MACROD2: variants seen among roughly 807,000 people sequenced by gnomAD.
MACROD2 encodes mono-ADP ribosylhydrolase 2.
Under a neutral mutation model 70.4 loss-of-function variants are expected in MACROD2, and 36 were observed. The observed-to-expected ratio is 0.51, with a 90% confidence interval of 0.39 to 0.68. MACROD2 has a LOEUF of 0.68. Among genes scored for constraint, MACROD2 ranks in the 30% least tolerant of loss-of-function variants. The probability of loss-of-function intolerance (pLI) is 0.00; values close to 1 mark genes in which losing one functional copy is unlikely to be tolerated. For synonymous variants in MACROD2, 172 were observed against 178.8 expected, an observed-to-expected ratio of 0.96 and a Z score of 0.30; for missense variants, 496 against 538.4, an observed-to-expected ratio of 0.92 and a Z score of 0.78.
chr20:14,653,521 A>AT lies in MACROD2; in HGVS notation c.302-31306dup, dbSNP rs34531975. ...GCGTGAGCCACCAAGCCCGGCTGCA[A>AT]TTTTTTTTTTTTTTTTAAGAGATGA... On this transcript the variant is annotated intron_variant, in intron 4 of 17. Coordinates refer to ENST00000684519, the MANE Select transcript of MACROD2 (RefSeq NM_001351661.2). Among the ~76,000 whole-genome samples, 1,152 of 137,412 alleles carry AT rather than the reference A, an allele frequency of 8.4e-3. 6 individuals are homozygous for AT. Among genetic ancestry groups the AT allele is most frequent in the East Asian group, 0.038 (173 of 4,582 alleles). 90.1% of individuals were successfully genotyped at this position (137,412 alleles called of 152,430 possible). A position where few individuals can be genotyped will look rare whatever the true frequency, so the allele number is the denominator to read the frequency against.
chr20:14,522,645 C>T (rs751322267), intron 4 of MACROD2, among the ~76,000 whole-genome samples: 10 of 152,160 alleles, frequency 6.6e-5, no homozygotes, highest in Non-Finnish European at 1.3e-4. Flanking sequence ...TAAAACTCTC[C>T]GGTTCTTGTC....
intron 5 of MACROD2, among the ~76,000 whole-genome samples, chr20:15,138,519 A>G (rs2076167886): frequency 6.6e-6 from 1 of 152,266 alleles, no homozygotes. Context: ...AGGCTCCTTA[A>G]TCTTTACAGA....
intron 8 of MACROD2, among the ~76,000 whole-genome samples, chr20:15,802,219 A>G (rs923000309): frequency 1.3e-5 from 2 of 152,148 alleles, no homozygotes; most frequent in African/African-American, 4.8e-5. Flanking sequence ...TGCTCTGGCT[A>G]GAAATTCCAA....
At chr20:15,349,063 C>A (rs1015719009) in intron 6 of MACROD2, among the ~76,000 whole-genome samples, 2 of 152,088 alleles carry the variant, frequency 1.3e-5, no homozygotes, top group Admixed American at 1.3e-4. Flanking sequence ...AGGACAGAAG[C>A]ATTAGGCTCT....
intron 6 of MACROD2, among the ~76,000 whole-genome samples, chr20:15,277,966 T>A (rs2077408089): frequency 6.6e-6 from 1 of 152,158 alleles, no homozygotes; most frequent in South Asian, 2.1e-4. Flanking sequence ...ATAAACAGCG[T>A]AGTGTTTAAT....
At chr20:15,806,113 A>G (rs2063767025) in intron 8 of MACROD2, among the ~76,000 whole-genome samples, 1 of 152,234 alleles carries the variant, frequency 6.6e-6, no homozygotes, top group South Asian at 2.1e-4. Context: ...TCCAATACAT[A>G]TAAAATTACT....
rs1194790398 is a variant in MACROD2, at chr20:14,459,107, T to C, written c.272-34372T>C. On this transcript the variant is annotated intron_variant, in intron 3 of 17. Transcript: ENST00000684519. ...AGGTGTGAGATCTAAGAACTCTGAG[T>C]CTTGTAGCAGGTAAGACATTTGTAA... is the stretch of plus-strand genomic sequence containing the variant. 2.6e-5 allele frequency among the ~76,000 whole-genome samples: 4 copies of C among 152,100 alleles called. No homozygotes were observed. In the East Asian group the frequency reaches 7.7e-4, roughly 29 times the overall value.
intron 3 of MACROD2, among the ~76,000 whole-genome samples, chr20:14,486,196 G>T (rs530546601): frequency 3.9e-5 from 6 of 152,174 alleles, no homozygotes; most frequent in Non-Finnish European, 7.3e-5. Flanking sequence ...GACAAGGAGA[G>T]GGGGAGGATG....
intron 4 of MACROD2, among the ~76,000 whole-genome samples, chr20:14,582,354 A>G (rs535857172): frequency 2.0e-5 from 3 of 152,132 alleles, no homozygotes; most frequent in African/African-American, 7.2e-5. Context: ...CCCTATCCCC[A>G]TGTTATCTGT....
intron 4 of MACROD2, among the ~76,000 whole-genome samples, chr20:14,638,016 T>C (rs773314080): frequency 6.6e-6 from 1 of 152,122 alleles, no homozygotes; most frequent in Non-Finnish European, 1.5e-5. Flanking sequence ...TTATGATTTT[T>C]TTTTCTTTCT....
chr20:15,679,553 G>T (rs926277196), intron 8 of MACROD2, among the ~76,000 whole-genome samples: 3 of 152,210 alleles, frequency 2.0e-5, no homozygotes, highest in African/African-American at 7.2e-5. Context: ...AAGTGATGCT[G>T]TGCAGGTTCT....
intron 5 of MACROD2, among the ~76,000 whole-genome samples, chr20:15,048,117 T>TAAATAAATAAATAAATA (rs368002923): frequency 6.7e-6 from 1 of 150,306 alleles, no homozygotes; most frequent in Non-Finnish European, 1.5e-5. Flanking sequence ...AATAAATAAA[T>TAAATAAATAAATAAATA]AATAAAAAAT....
intron 6 of MACROD2, among the ~76,000 whole-genome samples, chr20:15,298,809 T>G (rs980915550): frequency 1.2e-4 from 19 of 152,220 alleles, no homozygotes; most frequent in Non-Finnish European, 2.6e-4. Context: ...CCAGGCCTTA[T>G]GTTTTGCACT....
intron 8 of MACROD2, among the ~76,000 whole-genome samples, chr20:15,537,406 T>G (rs1429280035): frequency 6.6e-6 from 1 of 151,982 alleles, no homozygotes; most frequent in Non-Finnish European, 1.5e-5. Context: ...ACTCATCATT[T>G]TGCACATGTT....
intron 6 of MACROD2, among the ~76,000 whole-genome samples, chr20:15,234,594 C>T (rs1321607306): frequency 1.3e-5 from 2 of 152,130 alleles, no homozygotes; most frequent in Non-Finnish European, 2.9e-5. Context: ...ATAGTCAGAC[C>T]AGTGAAATCA....
At chr20:15,576,423 A>C (rs2048448047) in intron 8 of MACROD2, among the ~76,000 whole-genome samples, 1 of 152,334 alleles carries the variant, frequency 6.6e-6, no homozygotes, top group Admixed American at 6.5e-5. Flanking sequence ...CATCTCCATC[A>C]TGCTAAAGTC....
intron 6 of MACROD2, among the ~76,000 whole-genome samples, chr20:15,239,675 A>C (rs1321298113): frequency 1.3e-5 from 2 of 152,318 alleles, no homozygotes; most frequent in Non-Finnish European, 2.9e-5. Context: ...CAGGTAAGCT[A>C]TCCCGGAGGA....
chr20:15,663,214 A>G (rs1432455766), intron 8 of MACROD2, among the ~76,000 whole-genome samples: 1 of 150,062 alleles, frequency 6.7e-6, no homozygotes, highest in Non-Finnish European at 1.5e-5. Flanking sequence ...TCTGTTTCTC[A>G]AGAGAAGTCA....
At chr20:14,807,483 G>A (rs955446179) in intron 5 of MACROD2, among the ~76,000 whole-genome samples, 23 of 152,214 alleles carry the variant, frequency 1.5e-4, no homozygotes, top group African/African-American at 5.1e-4. Context: ...CGAAGATGAG[G>A]AAAAACGAGT....
Sources: allele counts gnomAD v4.1 joint callset (sites outside exome capture counted in the v4.1 genomes callset), GRCh38; gene constraint gnomAD v4.1.1; transcripts MANE v1.5; gene names NCBI Gene and HGNC (gene_info 2026-07-23, HGNC 2026-07-21).